KCNMA1: variants seen among roughly 807,000 people sequenced by gnomAD.
KCNMA1 encodes the protein potassium calcium-activated channel subfamily M alpha 1, also known as Calcium-activated potassium channel subunit alpha-1.
Under a neutral mutation model 140.0 loss-of-function variants are expected in KCNMA1, and 29 were observed. The ratio of observed to expected loss-of-function variants is 0.21; its 90% CI spans 0.15 to 0.28. KCNMA1 has a LOEUF of 0.28. KCNMA1 is among the 10% of genes least tolerant of loss of function. KCNMA1 has a pLI of 1.00. For synonymous variants in KCNMA1, 612 were observed against 611.9 expected (o/e 1.00, Z 0.00); for missense variants, 880 against 1,602.2 (o/e 0.55, Z 7.70).
intron 1 of KCNMA1, chr10:77,635,314 C>G (rs2093631492): frequency 6.6e-6 from 1 of 152,070 alleles, no homozygotes; most frequent in African/African-American, 2.4e-5. Context: ...GTTTAGGACC[C>G]CAGGTTCACA....
downstream of KCNMA1, chr10:76,877,689 A>C: frequency 6.5e-7 from 1 of 1,527,750 alleles, no homozygotes; most frequent in Non-Finnish European, 8.9e-7. Context: ...TCACATCACC[A>C]TTTATGAAGT....
chr10:77,636,246 G>T, intron 1 of KCNMA1: 2 of 1,435,242 alleles, frequency 1.4e-6, no homozygotes, highest in South Asian at 3.0e-5. Context: ...TATCAGTGTC[G>T]GGTCCCCCAC....
At chr10:76,924,735 G>A (rs1246013120) in intron 23 of KCNMA1, among the ~76,000 whole-genome samples, 7 of 152,166 alleles carry the variant, frequency 4.6e-5, no homozygotes, top group Non-Finnish European at 1.0e-4. Flanking sequence ...AGGGCCCAGA[G>A]AGAGTTTTCA....
chr10:77,117,557 A>G (rs1010122550), intron 6 of KCNMA1, among the ~76,000 whole-genome samples: 1 of 150,478 alleles, frequency 6.6e-6, no homozygotes, highest in African/African-American at 2.4e-5. Flanking sequence ...AAAAAAAAAA[A>G]AAAAAAAAGA....
At chr10:77,247,576 G>C (rs559903762) in intron 3 of KCNMA1, among the ~76,000 whole-genome samples, 1 of 152,190 alleles carries the variant, frequency 6.6e-6, no homozygotes, top group Non-Finnish European at 1.5e-5. Flanking sequence ...TTGGTGTCGG[G>C]AGACATCAGA....
intron 1 of KCNMA1, among the ~76,000 whole-genome samples, chr10:77,467,887 T>C (rs1237219429): frequency 6.6e-6 from 1 of 152,282 alleles, no homozygotes; most frequent in Non-Finnish European, 1.5e-5. Flanking sequence ...ATTTAAACTT[T>C]TATCCTGTTA....
intron 5 of KCNMA1, among the ~76,000 whole-genome samples, chr10:77,167,206 T>C (rs983747910): frequency 6.6e-6 from 1 of 152,088 alleles, no homozygotes; most frequent in Non-Finnish European, 1.5e-5. Flanking sequence ...AGCTCCCACA[T>C]GTGAATGAGA....
intron 1 of KCNMA1, among the ~76,000 whole-genome samples, chr10:77,572,075 G>T (rs1415656219): frequency 6.6e-6 from 1 of 152,180 alleles, no homozygotes; most frequent in Admixed American, 6.5e-5. Context: ...GGAAATATTA[G>T]AACAGAGCAG....
At chr10:77,557,802 A>G (rs942763647) in intron 1 of KCNMA1, among the ~76,000 whole-genome samples, 20 of 152,032 alleles carry the variant, frequency 1.3e-4, no homozygotes, top group Non-Finnish European at 2.5e-4. Flanking sequence ...GGTGCCCGCC[A>G]CCATACCTGG....
intron 16 of KCNMA1, among the ~76,000 whole-genome samples, chr10:77,022,558 C>G (rs577734970): frequency 1.3e-5 from 2 of 152,142 alleles, no homozygotes; most frequent in Non-Finnish European, 2.9e-5. Context: ...CTACATGGAG[C>G]AAATACGTAT....
At chr10:76,998,508 G>T (rs1346391836) in intron 19 of KCNMA1, among the ~76,000 whole-genome samples, 1 of 152,072 alleles carries the variant, frequency 6.6e-6, no homozygotes, top group Non-Finnish European at 1.5e-5. Flanking sequence ...AAGACAAAGG[G>T]CAAAACTCAT....
intron 1 of KCNMA1, among the ~76,000 whole-genome samples, chr10:77,414,406 C>T (rs749848705): frequency 6.6e-6 from 1 of 152,240 alleles, no homozygotes; most frequent in Non-Finnish European, 1.5e-5. Context: ...TCCCCTCTTA[C>T]ATCTACTGTG....
At chr10:77,306,767 C>A (rs1286711399) in intron 2 of KCNMA1, among the ~76,000 whole-genome samples, 1 of 152,118 alleles carries the variant, frequency 6.6e-6, no homozygotes, top group African/African-American at 2.4e-5. Flanking sequence ...GTGGCCTGAA[C>A]TAGGTAAGAA....
intron 23 of KCNMA1, among the ~76,000 whole-genome samples, chr10:76,918,096 T>C (rs1340377068): frequency 6.6e-6 from 1 of 152,188 alleles, no homozygotes; most frequent in Non-Finnish European, 1.5e-5. Context: ...CATGACTATA[T>C]CATGGGTAGC....
In KCNMA1 at chr10:77,419,148, C is replaced by T. The variant is rs567057503; in HGVS notation, c.379-15125G>A. The stretch of plus-strand genomic sequence containing the variant: ...GCTACTGCACTGAGGTGGGGTGGCA[C>T]CAGGGGGACTGGCATGAAGGTCACA... On this transcript the variant is annotated intron_variant, in intron 1 of 27. Transcript: ENST00000286628. Among the ~76,000 whole-genome samples the T allele has an allele frequency of 1.3e-3, 194 of 152,206 alleles. 1 individual carries two copies. Among genetic ancestry groups the T allele is most frequent in the South Asian group, 3.1e-3 (15 of 4,810 alleles).
intron 1 of KCNMA1, among the ~76,000 whole-genome samples, chr10:77,460,082 A>G (rs1405890592): frequency 6.6e-6 from 1 of 152,192 alleles, no homozygotes; most frequent in African/African-American, 2.4e-5. Flanking sequence ...TATGTAAACA[A>G]ATGGATGTTC....
chr10:77,580,421 G>A (rs980154249), intron 1 of KCNMA1, among the ~76,000 whole-genome samples: 2 of 150,866 alleles, frequency 1.3e-5, no homozygotes, highest in African/African-American at 2.4e-5. Context: ...TTTCAGAAAT[G>A]CAAACTAAAA....
At chr10:76,880,008 T>C (rs2033967240), downstream of KCNMA1, among the ~76,000 whole-genome samples, 3 of 152,166 alleles carry the variant, frequency 2.0e-5, no homozygotes, top group Non-Finnish European at 4.4e-5. Flanking sequence ...CATGCTGTTA[T>C]GCAGACTGAC....
At chr10:76,896,860 T>TA (rs141576465) in intron 25 of KCNMA1, among the ~76,000 whole-genome samples, 4,929 of 147,780 alleles carry the variant, frequency 0.033, 189 homozygotes, top group African/African-American at 0.095. Context: ...GTGAATATGC[T>TA]AAAAAAAAAA....
Sources: gnomAD v4.1 joint callset for allele counts (sites outside exome capture counted in the v4.1 genomes callset) on GRCh38, gnomAD v4.1.1 for gene constraint, MANE v1.5 for transcripts, NCBI Gene and HGNC (gene_info 2026-07-23, HGNC 2026-07-21) for gene names.